The following CRLF2 variants were observed in gnomAD, a reference collection of about 807,000 sequenced individuals.
CRLF2 encodes cytokine receptor like factor 2.
A neutral mutation model predicts 38.7 loss-of-function variants in CRLF2; 41 were observed. The ratio of observed to expected loss-of-function variants is 1.06; its 90% CI spans 0.83 to 1.37. The LOEUF is 1.37. Ranked by LOEUF, CRLF2 falls within the 40% of genes most tolerant of loss-of-function variation. The probability of loss-of-function intolerance (pLI) is 0.00; values close to 1 mark genes in which losing one functional copy is unlikely to be tolerated. For missense variants in CRLF2, 377 were observed against 322.2 expected (o/e 1.17, Z -1.30); for synonymous variants, 140 against 128.8 (o/e 1.09, Z -0.59).
intron 4 of CRLF2, among the ~76,000 whole-genome samples, chrX:1,199,985 G>A (rs757668038): frequency 4.6e-5 from 7 of 151,166 alleles, no homozygotes; most frequent in Non-Finnish European, 5.9e-5. Context: ...GTGTATATAC[G>A]TGTGTATATA....
rs1455091245 is a variant in CRLF2 at position 1,202,477 on chromosome X, C to T, written c.408G>A (p.Val136=). The change falls in exon 4 of 8, where the codon GTG becomes GTA. Residue 136 remains valine (V), a synonymous_variant. Coordinates refer to ENST00000400841, the MANE Select transcript of CRLF2 (RefSeq NM_022148.4). ...RFSWHQDAVT[V]TCSDLSYGDL... The stretch of plus-strand genomic sequence containing the variant: ...CCCCGTAGGACAGGTCAGAACACGT[C>T]ACCGTCACTGCATCCTGATGCCACG... 3 of 1,613,704 alleles carry T rather than the reference C, an allele frequency of 1.9e-6. No homozygotes were observed. The highest frequency in any genetic ancestry group is 2.5e-6 in the Non-Finnish European group (3 of 1,179,666).
In CRLF2 at chrX:1,206,592, C is replaced by T. The variant is rs587778219; in HGVS notation, c.190G>A (p.Gly64Ser). ...TNLTFHYRFN[G>S]DEAYDQCTNY... ...GTGCACTGGTCATAGGCCTCATCAC[C>T]GTTGAATCTGTGGTTTAAAACGATG... is the stretch of plus-strand genomic sequence containing the variant. The change falls in exon 3 of 8, where the codon GGT becomes AGT. Residue 64 changes from glycine to serine, a missense_variant. By Grantham distance (56) the Gly-to-Ser change is moderately conservative (BLOSUM62 0). Coordinates refer to ENST00000400841, the MANE Select transcript of CRLF2 (RefSeq NM_022148.4). 1.1e-5 allele frequency: 17 copies of T among 1,612,964 alleles called. 1 individual carries two copies. Among genetic ancestry groups the T allele is most frequent in the Middle Eastern group, 1.7e-4 (1 of 6,048 alleles).
At position 1,210,581 on chromosome X, in the gene CRLF2, A is replaced by T. The variant is rs184091975; in HGVS notation, c.80-1673T>A. Among the ~76,000 whole-genome samples, 417 of 152,244 alleles carry T rather than the reference A, an allele frequency of 2.7e-3. 3 individuals carry two copies. The highest frequency in any genetic ancestry group is 9.2e-3 in the African/African-American group (381 of 41,546). On this transcript the variant is annotated intron_variant, in intron 1 of 7. Coordinates refer to ENST00000400841, the MANE Select transcript of CRLF2 (RefSeq NM_022148.4). Reference sequence around the variant, plus strand: ...CACCTCGGCCTCCCAAAGTGCTGGGATTACAGGCATGAGCCACAGCGCCCG... The same window carrying T: ...CACCTCGGCCTCCCAAAGTGCTGGGTTTACAGGCATGAGCCACAGCGCCCG...
intron 3 of CRLF2, 130 bp from the exon 4 acceptor site, chrX:1,202,665 G>T: frequency 9.4e-7 from 1 of 1,062,652 alleles, no homozygotes; most frequent in East Asian, 2.4e-5. Context: ...GGGTTCACCC[G>T]TCCTCATTAC....
rs779324496 is a variant in CRLF2, at chrX:1,206,439, A to G, written c.343T>C (p.Tyr115His). The stretch of plus-strand genomic sequence containing the variant: ...CTGGCTTTACAATACTTACGGTAAT[A>G]AACCATCCAGCGACTTGCGGTGAAA... Reference protein sequence around the residue: ...PVFTASRWMVYYLKPSSPKHV... With the variant: ...PVFTASRWMVHYLKPSSPKHV... The change falls in exon 3 of 8, where the codon TAT becomes CAT. Residue 115 changes from tyrosine (Y) to histidine (H), a missense_variant. Physicochemically the swap from Tyr to His is moderately conservative, Grantham distance 83. Transcript: ENST00000400841. 1.2e-6 allele frequency: 2 copies of G among 1,613,378 alleles called. No homozygotes were observed. Among genetic ancestry groups the G allele is most frequent in the Non-Finnish European group, 1.7e-6 (2 of 1,179,374 alleles).
At chrX:1,193,616 A>G (rs1165823788) in intron 6 of CRLF2, among the ~76,000 whole-genome samples, 3 of 151,366 alleles carry the variant, frequency 2.0e-5, no homozygotes, top group East Asian at 3.9e-4. Context: ...CCTCTCTAAT[A>G]AAAATACAAA....
At chrX:1,207,687 T>C (rs1297210148) in intron 2 of CRLF2, among the ~76,000 whole-genome samples, 1 of 151,864 alleles carries the variant, frequency 6.6e-6, no homozygotes, top group African/African-American at 2.4e-5. Context: ...TGAGACAGTC[T>C]CGCTCTGTCG....
chrX:1,199,524 C>T (rs1411800180), intron 4 of CRLF2, among the ~76,000 whole-genome samples: 1 of 152,066 alleles, frequency 6.6e-6, no homozygotes, highest in Non-Finnish European at 1.5e-5. Flanking sequence ...TGGTCTTGAA[C>T]TCCTGACCTC....
Position 1,208,901 on chromosome X carries a change from T to C in CRLF2, c.87A>G (p.Gly29=), listed in dbSNP as rs751723420. 6.3e-7 allele frequency: 1 copy of C among 1,588,830 alleles called. No individual in the cohort carries two copies. Among genetic ancestry groups the C allele is most frequent in the East Asian group, 2.2e-5 (1 of 44,722 alleles). The change falls in exon 2 of 8, where the codon GGA becomes GGG. Residue 29 remains glycine (G), a synonymous_variant. Transcript: ENST00000400841. ...TGAAGTAGATGATCTGAATCTGTAC[T>C]CCTTCTGCTAGACACAGAGAGACGC... is the stretch of plus-strand genomic sequence containing the variant. ...MALGQGGAAE[G]VQIQIIYFNL...
intron 1 of CRLF2, among the ~76,000 whole-genome samples, chrX:1,209,656 G>C (rs1194966375): frequency 6.6e-6 from 1 of 152,176 alleles, no homozygotes; most frequent in Non-Finnish European, 1.5e-5. Flanking sequence ...TTTGCAAAAG[G>C]TAAGTTCACC....
chrX:1,202,286 G>C, intron 4 of CRLF2, 116 bp downstream of exon 4: 1 of 1,216,908 alleles, frequency 8.2e-7, no homozygotes, highest in Non-Finnish European at 1.2e-6. Flanking sequence ...CAGCAGAGTG[G>C]AATTCAGGAA....
At chrX:1,191,241 C>G (rs1373713515) in intron 7 of CRLF2, 81 bp from the exon 8 acceptor site, 1 of 398,736 alleles carries the variant, frequency 2.5e-6, no homozygotes, top group Non-Finnish European at 4.4e-6. Context: ...ACGGTACCCA[C>G]CACAGACATC....
At position 1,198,752 on chromosome X, in the gene CRLF2, C is replaced by T. The variant is rs764363978; in HGVS notation, c.484-28G>A. On this transcript the variant is annotated intron_variant, in intron 4 of 7. Coordinates refer to ENST00000400841, the MANE Select transcript of CRLF2 (RefSeq NM_022148.4). ...GGAGAAACATACACACACACACACACACACACACACACACACACACACACA... is the reference window on the plus strand; with the variant it reads ...GGAGAAACATACACACACACACACATACACACACACACACACACACACACA... The T allele has an allele frequency of 3.2e-4, 417 of 1,307,696 alleles. 7 individuals are homozygous for T. Among genetic ancestry groups the T allele is most frequent in the South Asian group, 2.2e-3 (177 of 78,756 alleles). 81.0% of individuals were successfully genotyped at this position (1,307,696 alleles called of 1,614,324 possible).
intron 7 of CRLF2, among the ~76,000 whole-genome samples, chrX:1,191,394 C>CTCTT (rs1191016855): frequency 9.6e-6 from 1 of 103,710 alleles, no homozygotes; most frequent in African/African-American, 3.3e-5. Context: ...CTCTCTTTCT[C>CTCTT]TCTTTCTTTC....
chrX:1,191,757 C>T (rs1452706755), intron 7 of CRLF2, among the ~76,000 whole-genome samples: 1 of 151,516 alleles, frequency 6.6e-6, no homozygotes, highest in Non-Finnish European at 1.5e-5. Flanking sequence ...ACTCGAACTC[C>T]CGACCTCAGG....
At chrX:1,209,832 A>G (rs1161790252) in intron 1 of CRLF2, among the ~76,000 whole-genome samples, 1 of 151,958 alleles carries the variant, frequency 6.6e-6, no homozygotes, top group Admixed American at 6.6e-5. Flanking sequence ...GGCCAGGTGC[A>G]GCGGCTCACG....
chrX:1,197,359 C>G (rs1321831684), intron 5 of CRLF2, among the ~76,000 whole-genome samples: 2 of 151,702 alleles, frequency 1.3e-5, no homozygotes, highest in Non-Finnish European at 2.9e-5. Context: ...GAAAGAGACA[C>G]CGTGTCTCTG....
At chrX:1,196,998 C>A in intron 5 of CRLF2, 98 bp from the exon 6 acceptor site, 1 of 993,622 alleles carries the variant, frequency 1.0e-6, no homozygotes, top group Non-Finnish European at 1.4e-6. Context: ...CAGTCTCCCT[C>A]ATTTTTTGGT....
chrX:1,194,067 G>C (rs2086439454), intron 6 of CRLF2, among the ~76,000 whole-genome samples: 2 of 152,006 alleles, frequency 1.3e-5, no homozygotes, highest in South Asian at 4.1e-4. Context: ...AGAGGTTGCA[G>C]TGATCTGAGA....
Sources: gnomAD v4.1 joint callset for allele counts (sites outside exome capture counted in the v4.1 genomes callset) on GRCh38, gnomAD v4.1.1 for gene constraint, MANE v1.5 for transcripts, NCBI Gene and HGNC (gene_info 2026-07-23, HGNC 2026-07-21) for gene names.